The following CADPS variants were observed in gnomAD, a reference collection of about 807,000 sequenced individuals.
CADPS encodes the protein calcium dependent secretion activator.
Under a neutral mutation model 167.3 loss-of-function variants are expected in CADPS, and 57 were observed. That is an observed-to-expected ratio of 0.34 (90% CI 0.28 to 0.42). The LOEUF (loss-of-function observed/expected upper bound fraction) is 0.42, where lower values mean the gene tolerates loss of function less well. Among genes scored for constraint, CADPS ranks in the 20% least tolerant of loss-of-function variants. The probability of loss-of-function intolerance (pLI) is 1.00; values close to 1 mark genes in which losing one functional copy is unlikely to be tolerated. For synonymous variants in CADPS, 676 were observed against 635.3 expected (o/e 1.06, Z -0.96); for missense variants, 1,414 against 1,738.1 (o/e 0.81, Z 3.32).
At chr3:62,778,984 G>A (rs1021452966) in intron 1 of CADPS, among the ~76,000 whole-genome samples, 2 of 145,034 alleles carry the variant, frequency 1.4e-5, no homozygotes, top group African/African-American at 2.4e-5. Context: ...TCCACCTGCC[G>A]GGTTCAAGCA....
At chr3:62,523,278 G>T (rs1489604875) in intron 13 of CADPS, among the ~76,000 whole-genome samples, 1 of 151,984 alleles carries the variant, frequency 6.6e-6, no homozygotes, top group African/African-American at 2.4e-5. Flanking sequence ...TTTCCCAAAT[G>T]CTTCTGACCT....
At chr3:62,560,275 G>A (rs955998778) in intron 9 of CADPS, among the ~76,000 whole-genome samples, 6 of 152,162 alleles carry the variant, frequency 3.9e-5, no homozygotes, top group Admixed American at 2.0e-4. Flanking sequence ...GCAAAGATTT[G>A]GAAAGCCTTA....
At chr3:62,520,331 G>C (rs1276539865) in intron 13 of CADPS, among the ~76,000 whole-genome samples, 1 of 152,158 alleles carries the variant, frequency 6.6e-6, no homozygotes, top group Non-Finnish European at 1.5e-5. Context: ...GGCCTTCTCA[G>C]TTAATTCTCA....
At chr3:62,525,704 T>TGTGTGTGTGTGTGTGA (rs57660674) in intron 13 of CADPS, among the ~76,000 whole-genome samples, 1 of 150,112 alleles carries the variant, frequency 6.7e-6, no homozygotes, top group Admixed American at 6.6e-5. Context: ...TGTGTGTGTG[T>TGTGTGTGTGTGTGTGA]ATGTGTGTGT....
At chr3:62,714,450 G>C (rs190731323) in intron 3 of CADPS, among the ~76,000 whole-genome samples, 1 of 152,208 alleles carries the variant, frequency 6.6e-6, no homozygotes, top group East Asian at 1.9e-4. Context: ...ATGGAGGCCA[G>C]AAAGATCATG....
chr3:62,869,847 C>A (rs1039129201), intron 1 of CADPS, among the ~76,000 whole-genome samples: 1 of 152,106 alleles, frequency 6.6e-6, no homozygotes, highest in African/African-American at 2.4e-5. Flanking sequence ...AGACACCTGT[C>A]CCCAAATCAC....
intron 26 of CADPS, among the ~76,000 whole-genome samples, chr3:62,452,801 T>C (rs1160943825): frequency 1.3e-5 from 2 of 152,162 alleles, no homozygotes; most frequent in Non-Finnish European, 2.9e-5. Flanking sequence ...AAATAATCAC[T>C]AAGATTGACC....
At chr3:62,627,668 T>A (rs1391966798) in intron 6 of CADPS, among the ~76,000 whole-genome samples, 2 of 152,282 alleles carry the variant, frequency 1.3e-5, no homozygotes, top group South Asian at 2.1e-4. Context: ...TCCACATTAC[T>A]TATGCTCACC....
intron 10 of CADPS, among the ~76,000 whole-genome samples, chr3:62,552,451 A>G (rs140642749): frequency 1.3e-5 from 2 of 152,344 alleles, no homozygotes; most frequent in African/African-American, 4.8e-5. Flanking sequence ...GTGTCCATCA[A>G]CATATTCTAG....
intron 3 of CADPS, among the ~76,000 whole-genome samples, chr3:62,731,330 TG>T (rs2077741224): frequency 6.6e-6 from 1 of 152,106 alleles, no homozygotes; most frequent in Admixed American, 6.5e-5. Context: ...AGGGTGGAGC[TG>T]AGAGGGATGG....
At chr3:62,871,650 T>C (rs372292760) in intron 1 of CADPS, among the ~76,000 whole-genome samples, 6 of 152,168 alleles carry the variant, frequency 3.9e-5, no homozygotes, top group East Asian at 1.9e-4. Flanking sequence ...AAAACGAGGA[T>C]GGCAATTTGT....
intron 1 of CADPS, among the ~76,000 whole-genome samples, chr3:62,786,916 G>C (rs1386320168): frequency 6.6e-6 from 1 of 152,116 alleles, no homozygotes; most frequent in African/African-American, 2.4e-5. Context: ...CAGATATCTT[G>C]GTGCAGCCAA....
At chr3:62,819,407 C>CGTGTGTGTGTGTGTGT (rs3047244) in intron 1 of CADPS, among the ~76,000 whole-genome samples, 1 of 143,986 alleles carries the variant, frequency 6.9e-6, no homozygotes, top group Non-Finnish European at 1.5e-5. Flanking sequence ...AATCTGTGTG[C>CGTGTGTGTGTGTGTGT]GTGTGTGTGT....
intron 1 of CADPS, among the ~76,000 whole-genome samples, chr3:62,800,403 C>G (rs937888098): frequency 2.6e-5 from 4 of 152,064 alleles, no homozygotes; most frequent in Non-Finnish European, 5.9e-5. Flanking sequence ...GGGTACCACT[C>G]CCTTTGAAGG....
At chr3:62,471,708 A>G (rs1043820544) in intron 24 of CADPS, among the ~76,000 whole-genome samples, 3 of 152,188 alleles carry the variant, frequency 2.0e-5, no homozygotes, top group Admixed American at 1.3e-4. Context: ...ACCCTGGCCT[A>G]GCACCATCCT....
intron 6 of CADPS, among the ~76,000 whole-genome samples, chr3:62,631,340 C>T (rs1385150969): frequency 6.6e-6 from 1 of 152,074 alleles, no homozygotes; most frequent in East Asian, 1.9e-4. Flanking sequence ...GCCCTGATCA[C>T]GGATGGATTT....
At chr3:62,429,128 G>A (rs564865803) in intron 28 of CADPS, among the ~76,000 whole-genome samples, 7 of 152,262 alleles carry the variant, frequency 4.6e-5, no homozygotes, top group Non-Finnish European at 1.0e-4. Context: ...ATAAACTTTT[G>A]TTTCGTGTGT....
intron 3 of CADPS, among the ~76,000 whole-genome samples, chr3:62,709,477 C>T (rs778552297): frequency 2.6e-5 from 4 of 152,138 alleles, no homozygotes; most frequent in Non-Finnish European, 4.4e-5. Context: ...TTAGTACATA[C>T]CCTTATTGGG....
intron 9 of CADPS, 43 bp from the exon 10 acceptor site, chr3:62,557,556 G>A (rs2078377657): frequency 1.4e-6 from 2 of 1,479,652 alleles, no homozygotes; most frequent in Non-Finnish European, 1.9e-6. Context: ...CCTGGAGCCT[G>A]TCTTCTCCAA....
Sources: gnomAD v4.1 joint callset for allele counts (sites outside exome capture counted in the v4.1 genomes callset) on GRCh38, gnomAD v4.1.1 for gene constraint, MANE v1.5 for transcripts, NCBI Gene and HGNC (gene_info 2026-07-23, HGNC 2026-07-21) for gene names.